Variants in PITPNA observed in about 807,000 individuals in gnomAD.
PITPNA encodes the protein phosphatidylinositol transfer protein alpha, also known as phosphatidylinositol transfer protein alpha isoform.
Under a neutral mutation model 50.3 loss-of-function variants are expected in PITPNA, and 13 were observed. That is an observed-to-expected ratio of 0.26 (90% confidence interval 0.17 to 0.41). The LOEUF (loss-of-function observed/expected upper bound fraction) is 0.41. PITPNA is among the 10% of genes least tolerant of loss of function. PITPNA has a pLI of 1.00. For synonymous variants in PITPNA, 120 were observed against 119.6 expected, an observed-to-expected ratio of 1.00 and a Z score of -0.02; for missense variants, 207 against 333.4, an observed-to-expected ratio of 0.62 and a Z score of 2.95.
chr17:1,523,403 C>T (rs769740365), intron 10 of PITPNA, among the ~76,000 whole-genome samples: 11 of 151,920 alleles, frequency 7.2e-5, no homozygotes, highest in South Asian at 4.1e-4. Flanking sequence ...AGTGCAGTGG[C>T]GCAATCATGG....
intron 8 of PITPNA, 56 bp downstream of exon 8, chr17:1,535,385 G>A (rs1407270078): frequency 2.0e-6 from 3 of 1,531,264 alleles, no homozygotes; most frequent in Non-Finnish European, 2.7e-6. Context: ...TCCTCCACAG[G>A]GAGCGGCCCA....
chr17:1,556,689 T>C (rs1354057964), intron 2 of PITPNA, among the ~76,000 whole-genome samples: 1 of 152,214 alleles, frequency 6.6e-6, no homozygotes, highest in Admixed American at 6.5e-5. Context: ...GGGATCATCC[T>C]GTACAGCAGA....
At chr17:1,525,505 T>A (rs2075541935) in intron 10 of PITPNA, among the ~76,000 whole-genome samples, 1 of 85,444 alleles carries the variant, frequency 1.2e-5, no homozygotes, top group Non-Finnish European at 2.5e-5. Context: ...ACTGGGAAAC[T>A]TTTTTTTTTT....
intron 10 of PITPNA, among the ~76,000 whole-genome samples, chr17:1,532,581 C>T (rs142043098): frequency 6.6e-6 from 1 of 152,316 alleles, no homozygotes; most frequent in African/African-American, 2.4e-5. Context: ...ATACGTCATG[C>T]TGGCCTTTGT....
chr17:1,547,886 C>T (rs748174931), intron 4 of PITPNA, among the ~76,000 whole-genome samples: 5 of 151,734 alleles, frequency 3.3e-5, no homozygotes, highest in Middle Eastern at 3.4e-3. Context: ...CCCAGCTACT[C>T]GGGAGGCTGA....
At chr17:1,542,071 G>A (rs1239092686) in intron 5 of PITPNA, among the ~76,000 whole-genome samples, 1 of 151,974 alleles carries the variant, frequency 6.6e-6, no homozygotes, top group African/African-American at 2.4e-5. Flanking sequence ...ATGGTGGCGG[G>A]TGCCTGTAAT....
intron 10 of PITPNA, among the ~76,000 whole-genome samples, chr17:1,525,283 C>T (rs886463900): frequency 2.0e-5 from 3 of 152,030 alleles, no homozygotes; most frequent in Admixed American, 6.6e-5. Flanking sequence ...CCACCACACC[C>T]GGCCAATAAA....
intron 6 of PITPNA, 24 bp downstream of exon 6, chr17:1,541,542 G>C (rs781082791): frequency 6.4e-7 from 1 of 1,570,826 alleles, no homozygotes; most frequent in African/African-American, 1.3e-5. Context: ...CTCACCCCTG[G>C]GGCTTTTGGG....
At chr17:1,553,264 C>T (rs2075718793) in intron 2 of PITPNA, 115 bp from the exon 3 acceptor site, 1 of 1,181,340 alleles carries the variant, frequency 8.5e-7, no homozygotes, top group Non-Finnish European at 1.2e-6. Context: ...CATGCAGGAG[C>T]TGGTTCTGGA....
intron 2 of PITPNA, among the ~76,000 whole-genome samples, chr17:1,555,735 G>A (rs1445533040): frequency 6.6e-6 from 1 of 152,186 alleles, no homozygotes; most frequent in African/African-American, 2.4e-5. Context: ...TGTCAGGCTG[G>A]GTACCAGAGG....
At chr17:1,550,235 G>A (rs929834904) in intron 3 of PITPNA, among the ~76,000 whole-genome samples, 4 of 152,192 alleles carry the variant, frequency 2.6e-5, no homozygotes, top group Admixed American at 1.3e-4. Context: ...ACTGGGGCGT[G>A]TAACTAGACA....
At chr17:1,555,406 C>G (rs2075730269) in intron 2 of PITPNA, among the ~76,000 whole-genome samples, 1 of 152,194 alleles carries the variant, frequency 6.6e-6, no homozygotes, top group African/African-American at 2.4e-5. Flanking sequence ...CGTTAGAGTT[C>G]CTTTTGGCAC....
chr17:1,538,810 A>G, intron 7 of PITPNA, 59 bp downstream of exon 7: 1 of 1,011,330 alleles, frequency 9.9e-7, no homozygotes, highest in Non-Finnish European at 1.5e-6. Context: ...TGGTTTCTTT[A>G]GCATTGAGAA....
chr17:1,550,969 G>A (rs145095538), intron 3 of PITPNA, among the ~76,000 whole-genome samples: 3 of 152,332 alleles, frequency 2.0e-5, no homozygotes, highest in African/African-American at 4.8e-5. Flanking sequence ...GATGGAGTCA[G>A]CAGGACCTGA....
Position 1,562,448 on chromosome 17 carries a change from C to T in PITPNA, c.20+93G>A. The T allele has an allele frequency of 9.4e-7, 1 of 1,061,860 alleles. No homozygotes were observed. The highest frequency in any genetic ancestry group is 1.3e-6 in the Non-Finnish European group (1 of 777,116). The allele number at this position is 1,061,860 out of a possible 1,614,324, so 65.8% of individuals were successfully genotyped here. A position where few individuals can be genotyped will look rare whatever the true frequency, so the allele number is the denominator to read the frequency against. On this transcript the variant is annotated intron_variant, in intron 1 of 11. Coordinates refer to ENST00000313486, the MANE Select transcript of PITPNA (RefSeq NM_006224.4). This position sits in a 1 kb window ranked among gnomAD's most constrained non-coding sequence, Gnocchi z 6.4. ...CCTCCGTCCCTGCTGCCCCTCCGTCCATCCGGGCCCTGCGTCCCTCGCCGC... is the reference window on the plus strand; with the variant it reads ...CCTCCGTCCCTGCTGCCCCTCCGTCTATCCGGGCCCTGCGTCCCTCGCCGC...
intron 3 of PITPNA, among the ~76,000 whole-genome samples, chr17:1,551,763 G>A (rs1462753603): frequency 6.6e-6 from 1 of 152,264 alleles, no homozygotes; most frequent in African/African-American, 2.4e-5. Flanking sequence ...AACGAGACAT[G>A]GAGAAAAAGT....
intron 10 of PITPNA, among the ~76,000 whole-genome samples, chr17:1,527,242 CTGGT>C (rs144956583): frequency 0.044 from 6,730 of 152,068 alleles, 506 homozygotes; most frequent in African/African-American, 0.15. Flanking sequence ...AACTTCAATC[CTGGT>C]TGGTTGGTTT....
chr17:1,534,710 T>G (rs1401127979), intron 9 of PITPNA, among the ~76,000 whole-genome samples: 1 of 152,220 alleles, frequency 6.6e-6, no homozygotes, highest in Non-Finnish European at 1.5e-5. Context: ...CCAGCACCTC[T>G]TGCCTTTCAG....
chr17:1,548,216 C>A, intron 4 of PITPNA, 80 bp downstream of exon 4: 1 of 903,368 alleles, frequency 1.1e-6, no homozygotes, highest in Non-Finnish European at 1.7e-6. Context: ...CTTTCCCTGG[C>A]CTAATCCGGA....
Sources: gnomAD v4.1 joint callset for allele counts (sites outside exome capture counted in the v4.1 genomes callset) on GRCh38, gnomAD v4.1.1 for gene constraint, Gnocchi (gnomAD v3.1) non-coding constraint, MANE v1.5 for transcripts, NCBI Gene and HGNC (gene_info 2026-07-23, HGNC 2026-07-21) for gene names.